ZNF48: variants seen among roughly 807,000 people sequenced by gnomAD.
The protein encoded by ZNF48 is zinc finger protein 48.
Under a neutral mutation model 40.0 loss-of-function variants are expected in ZNF48, and 20 were observed. The observed-to-expected ratio is 0.50, with a 90% CI of 0.35 to 0.73. The LOEUF is 0.73. Among genes scored for constraint, ZNF48 ranks in the 30% least tolerant of loss-of-function variants. ZNF48 has a pLI of 0.01. For synonymous variants in ZNF48, 298 were observed against 329.7 expected, an observed-to-expected ratio of 0.90 and a Z score of 1.04; for missense variants, 726 against 851.9, an observed-to-expected ratio of 0.85 and a Z score of 1.84.
chr16:30,395,515 G>T lies in ZNF48; in HGVS notation c.-79G>T. 3.2e-6 allele frequency: 1 copy of T among 309,260 alleles called. No homozygotes were observed. Among genetic ancestry groups the T allele is most frequent in the South Asian group, 2.5e-5 (1 of 39,282 alleles). The allele number at this position is 309,260 out of a possible 1,614,324, so 19.2% of individuals were successfully genotyped here. A position where few individuals can be genotyped will look rare whatever the true frequency, so the allele number is the denominator to read the frequency against. ...TCCCGGAGCCGCTGGCGGCTCGGGCGCCTGCACCCCGCTGAGGAGCTCCGG... is the reference window on the plus strand; with the variant it reads ...TCCCGGAGCCGCTGGCGGCTCGGGCTCCTGCACCCCGCTGAGGAGCTCCGG... On this transcript the variant is annotated 5_prime_UTR_variant, in exon 1 of 3. Coordinates refer to ENST00000613509, the MANE Select transcript of ZNF48 (RefSeq NM_001214909.2). The surrounding 1 kb of genome is among the most constrained non-coding windows in gnomAD (Gnocchi z 5.9).
At chr16:30,393,946 G>A (rs1419397294), upstream of ZNF48, among the ~76,000 whole-genome samples, 1 of 151,204 alleles carries the variant, frequency 6.6e-6, no homozygotes, top group Non-Finnish European at 1.5e-5. Context: ...TCGAACTAGT[G>A]GCCTCAAGTG....
At position 30,381,871 on chromosome 16, in the gene ZNF48, T is replaced by G. The variant is rs749704730; in HGVS notation, c.-16+3461T>G. The G allele has an allele frequency of 1.9e-6, 3 of 1,613,994 alleles. No homozygotes were observed. Among genetic ancestry groups the G allele is most frequent in the African/African-American group, 1.3e-5 (1 of 74,898 alleles). On this transcript the variant is annotated intron_variant, in intron 1 of 2. Coordinates refer to the ZNF48 transcript ENST00000528032. This position sits in a 1 kb window ranked among gnomAD's most constrained non-coding sequence, Gnocchi z 4.3. ...GCCCCGGCGCTCAATGGCCAGGGTC[T>G]GTGTCAAGCGAGCTGTGGGATGGGG...
In ZNF48 at chr16:30,395,774, G is replaced by C. The variant is rs900416045; in HGVS notation, c.-15-6G>C. 1 of 1,530,962 alleles carries C rather than the reference G, an allele frequency of 6.5e-7. No individual in the cohort carries two copies. Among genetic ancestry groups the C allele is most frequent in the South Asian group, 1.2e-5 (1 of 82,884 alleles). 94.8% of individuals were successfully genotyped at this position (1,530,962 alleles called of 1,614,324 possible). ...ACCGCGGGATGCTGTCTGTCCCCTT[G>C]CTCAGGGCGGCGTGCCGGCGATGGA... On this transcript the variant is annotated splice_region_variant and splice_polypyrimidine_tract_variant and intron_variant, in intron 1 of 2. Coordinates refer to ENST00000613509, the MANE Select transcript of ZNF48 (RefSeq NM_001214909.2). This position sits in a 1 kb window ranked among gnomAD's most constrained non-coding sequence, Gnocchi z 5.9.
chr16:30,391,198 T>C (rs1208159869), upstream of ZNF48, among the ~76,000 whole-genome samples: 1 of 152,182 alleles, frequency 6.6e-6, no homozygotes, highest in Non-Finnish European at 1.5e-5. Context: ...AGGTTTTCTT[T>C]TATTTTTATT....
In ZNF48 at chr16:30,395,938, T is replaced by A; in HGVS notation, c.79+65T>A. Reference sequence around the variant, plus strand: ...GCCGGTGGGGACTGCGATGCTTGGCTGTGGCCGGCCGAGATCCTGGAAGAT... The same window carrying A: ...GCCGGTGGGGACTGCGATGCTTGGCAGTGGCCGGCCGAGATCCTGGAAGAT... On this transcript the variant is annotated intron_variant, in intron 2 of 2. Coordinates refer to ENST00000613509, the MANE Select transcript of ZNF48 (RefSeq NM_001214909.2). The surrounding 1 kb of genome is among the most constrained non-coding windows in gnomAD (Gnocchi z 5.9). The A allele has an allele frequency of 7.0e-7, 1 of 1,420,444 alleles. No homozygotes were observed. The highest frequency in any genetic ancestry group is 9.3e-7 in the Non-Finnish European group (1 of 1,070,672). The allele number at this position is 1,420,444 out of a possible 1,614,324, so 88.0% of individuals were successfully genotyped here.
Position 30,395,813 on chromosome 16 carries a change from C to A in ZNF48, c.19C>A (p.Pro7Thr). MERAVEPWGPDLHRPEE... is the reference protein window; with the variant it reads MERAVETWGPDLHRPEE... ...GCCGGCGATGGAGCGCGCGGTAGAGCCTTGGGGCCCAGATCTCCACCGCCC... is the reference window on the plus strand; with the variant it reads ...GCCGGCGATGGAGCGCGCGGTAGAGACTTGGGGCCCAGATCTCCACCGCCC... The change falls in exon 2 of 3, where the codon CCT (proline) becomes ACT (threonine). Residue 7 changes from proline to threonine, a missense_variant. Pro to Thr is a conservative substitution (Grantham distance 38). Around this residue, in one of 5 missense-constraint regions of ZNF48, gnomAD observed 151 missense variants for 162.3 expected, o/e 0.93. Coordinates refer to ENST00000613509, the MANE Select transcript of ZNF48 (RefSeq NM_001214909.2). The surrounding 1 kb of genome is among the most constrained non-coding windows in gnomAD (Gnocchi z 5.9). 2 of 1,548,770 alleles carry A rather than the reference C, an allele frequency of 1.3e-6. No individual in the cohort carries two copies. The highest frequency in any genetic ancestry group is 8.7e-7 in the Non-Finnish European group (1 of 1,151,548).
In ZNF48 at chr16:30,397,567, CTAG is replaced by C. The variant is rs770719460; in HGVS notation, c.322_324del (p.Ser108del). ...CTGGGTGAACCACGCTGGGGCCAGG[CTAG>C]TAGTGATCGGGCCGCTGTGTGTGGT... On this transcript the variant is annotated inframe_deletion, in exon 3 of 3. Transcript: ENST00000613509. This position sits in a 1 kb window ranked among gnomAD's most constrained non-coding sequence, Gnocchi z 4.1. The C allele has an allele frequency of 1.2e-6, 2 of 1,613,930 alleles. No homozygotes were observed. Among genetic ancestry groups the C allele is most frequent in the African/African-American group, 1.3e-5 (1 of 74,910 alleles).
intron 1 of ZNF48, among the ~76,000 whole-genome samples, chr16:30,385,698 TCCCACCTATC>T (rs1048986280): frequency 1.3e-5 from 2 of 152,064 alleles, no homozygotes; most frequent in Admixed American, 1.3e-4. Flanking sequence ...AGTTTCCAAT[TCCCACCTATC>T]CTTCAGAAAA....
In ZNF48 at chr16:30,398,591, C is replaced by A. The variant is rs773330695; in HGVS notation, c.1341C>A (p.Gly447=). The A allele has an allele frequency of 6.2e-7, 1 of 1,610,882 alleles. No homozygotes were observed. Among genetic ancestry groups the A allele is most frequent in the East Asian group, 2.2e-5 (1 of 44,844 alleles). The part of the protein sequence containing the change: ...QAGEPPPPLA[G]DKPHKCPECG... ...GGGAGCCACCCCCACCACTGGCGGGCGACAAGCCCCACAAGTGCCCTGAGT... is the reference window on the plus strand; with the variant it reads ...GGGAGCCACCCCCACCACTGGCGGGAGACAAGCCCCACAAGTGCCCTGAGT... Residue 447 remains glycine (G), a synonymous_variant, in exon 3 of 3, where the codon GGC becomes GGA. Transcript: ENST00000613509. The surrounding 1 kb of genome is among the most constrained non-coding windows in gnomAD (Gnocchi z 6.6).
At chr16:30,391,854 G>C (rs1171687492), upstream of ZNF48, among the ~76,000 whole-genome samples, 1 of 139,470 alleles carries the variant, frequency 7.2e-6, no homozygotes, top group Non-Finnish European at 1.6e-5. Flanking sequence ...GGGGGTGGGG[G>C]TGGGATAGGG....
chr16:30,390,696 C>T (rs1335335445), upstream of ZNF48, among the ~76,000 whole-genome samples: 2 of 137,326 alleles, frequency 1.5e-5, no homozygotes. Context: ...TCTCGGCTCA[C>T]TGCAAGCTCC....
In ZNF48 at chr16:30,381,601, G is replaced by A; in HGVS notation, c.-16+3191G>A. The A allele has an allele frequency of 1.4e-6, 2 of 1,454,254 alleles. No individual in the cohort carries two copies. Among genetic ancestry groups the A allele is most frequent in the Non-Finnish European group, 1.9e-6 (2 of 1,059,932 alleles). 90.1% of individuals were successfully genotyped at this position (1,454,254 alleles called of 1,614,324 possible). On this transcript the variant is annotated intron_variant, in intron 1 of 2. Transcript: ENST00000528032. The surrounding 1 kb of genome is among the most constrained non-coding windows in gnomAD (Gnocchi z 4.3). Reference sequence around the variant, plus strand: ...TCCAAAGACATTAAGGGGAACTGGTGGGGGCCTAGGTGAGTCATCAAGAAG... The same window carrying A: ...TCCAAAGACATTAAGGGGAACTGGTAGGGGCCTAGGTGAGTCATCAAGAAG...
In ZNF48 at chr16:30,398,053, C is replaced by T. The variant is rs1422969120; in HGVS notation, c.803C>T (p.Pro268Leu). ...GCAGCCACGGCAGCTACCCAGGGAC[C>T]GAAGGCCCAGGACAAGCCATATATC... The part of the protein sequence containing the change: ...SRAATAATQG[P>L]KAQDKPYICT... The change falls in exon 3 of 3, where the codon CCG becomes CTG. Residue 268 changes from proline (P) to leucine (L), a missense_variant. Physicochemically the swap from Pro to Leu is moderately conservative, Grantham distance 98 (BLOSUM62 -3). Coordinates refer to ENST00000613509, the MANE Select transcript of ZNF48 (RefSeq NM_001214909.2). The surrounding 1 kb of genome is among the most constrained non-coding windows in gnomAD (Gnocchi z 6.6). 9 of 1,612,092 alleles carry T rather than the reference C, an allele frequency of 5.6e-6. No individual in the cohort carries two copies. Among genetic ancestry groups the T allele is most frequent in the Non-Finnish European group, 6.8e-6 (8 of 1,178,930 alleles).
upstream of ZNF48, among the ~76,000 whole-genome samples, chr16:30,392,579 C>G (rs916053262): frequency 1.3e-5 from 2 of 152,318 alleles, no homozygotes; most frequent in South Asian, 2.1e-4. Context: ...AGAGTAATAG[C>G]TGATACTTTT....
chr16:30,380,030 G>A (rs547084732), intron 1 of ZNF48: 31 of 1,608,682 alleles, frequency 1.9e-5, no homozygotes, highest in South Asian at 1.4e-4. Context: ...AACTGATCCC[G>A]GATCTCAGGG....
At chr16:30,393,417 C>T (rs1334196848), upstream of ZNF48, among the ~76,000 whole-genome samples, 1 of 149,328 alleles carries the variant, frequency 6.7e-6, no homozygotes, top group Non-Finnish European at 1.5e-5. Flanking sequence ...CGCAGTCTGA[C>T]TCTGTCACCC....
Position 30,398,013 on chromosome 16 carries a change from C to T in ZNF48, c.763C>T (p.Arg255Trp), listed in dbSNP as rs151015625. 211 of 1,612,566 alleles carry T rather than the reference C, an allele frequency of 1.3e-4. 1 individual carries two copies. The highest frequency in any genetic ancestry group is 1.7e-4 in the Non-Finnish European group (199 of 1,179,268). The change falls in exon 3 of 3, where the codon CGG (arginine) becomes TGG (tryptophan). Residue 255 changes from arginine (R) to tryptophan (W), a missense_variant. Physicochemically the swap from Arg to Trp is moderately radical, Grantham distance 101. Transcript: ENST00000613509. The surrounding 1 kb of genome is among the most constrained non-coding windows in gnomAD (Gnocchi z 6.6). ...GCCCCCCCGACCAGTGGTGCCCCGA[C>T]GGCAGCCATCTCGGGCAGCCACGGC... Reference protein sequence around the residue: ...EQPPRPVVPRRQPSRAATAAT... With the variant: ...EQPPRPVVPRWQPSRAATAAT...
In ZNF48 at chr16:30,382,004, A is replaced by T; in HGVS notation, c.-16+3594A>T. On this transcript the variant is annotated intron_variant, in intron 1 of 2. Coordinates refer to the ZNF48 transcript ENST00000528032. The surrounding 1 kb of genome is among the most constrained non-coding windows in gnomAD (Gnocchi z 4.8). Reference sequence around the variant, plus strand: ...GGGAGGAAAGTCTCAGAAAAAAAGCAGTCAACTACCTGAGTCCCCAGATGG... The same window carrying T: ...GGGAGGAAAGTCTCAGAAAAAAAGCTGTCAACTACCTGAGTCCCCAGATGG... 1 of 1,600,708 alleles carries T rather than the reference A, an allele frequency of 6.2e-7. No individual in the cohort carries two copies. Among genetic ancestry groups the T allele is most frequent in the Non-Finnish European group, 8.5e-7 (1 of 1,169,978 alleles).
upstream of ZNF48, chr16:30,395,128 A>C (rs574418227): frequency 3.2e-5 from 14 of 441,856 alleles, no homozygotes; most frequent in South Asian, 2.2e-4. The surrounding 1 kb of genome is among the most constrained non-coding windows in gnomAD (Gnocchi z 5.9). Context: ...TGTCTCTCCC[A>C]GGTCGGAGTG....
Sources: gnomAD v4.1 joint callset for allele counts (sites outside exome capture counted in the v4.1 genomes callset) on GRCh38, gnomAD v4.1.1 for gene constraint, gnomAD v4.1.1 regional missense constraint, Gnocchi (gnomAD v3.1) non-coding constraint, MANE v1.5 for transcripts, NCBI Gene and HGNC (gene_info 2026-07-23, HGNC 2026-07-21) for gene names.